CMC2: variants seen among roughly 807,000 people sequenced by gnomAD.
CMC2 encodes C-X9-C motif containing 2.
In CMC2, 5 loss-of-function variants were observed where a neutral mutation model predicts 7.5. That is an observed-to-expected ratio of 0.66 (90% CI 0.35 to 1.40). The LOEUF (loss-of-function observed/expected upper bound fraction) is 1.40. Among genes scored for constraint, CMC2 ranks in the 40% most tolerant of loss-of-function variants. The probability of loss-of-function intolerance (pLI) is 0.04; values close to 1 mark genes in which losing one functional copy is unlikely to be tolerated. For missense variants in CMC2, 115 were observed against 92.3 expected, an observed-to-expected ratio of 1.25 and a Z score of -1.01; for synonymous variants, 37 against 31.4, an observed-to-expected ratio of 1.18 and a Z score of -0.60.
intron 1 of CMC2, among the ~76,000 whole-genome samples, chr16:81,005,384 C>A (rs1969202019): frequency 6.6e-6 from 1 of 151,734 alleles, no homozygotes; most frequent in Non-Finnish European, 1.5e-5. Context: ...TGCACTCCAG[C>A]CTGGGCGACA....
chr16:80,981,852 T>G lies in CMC2; in HGVS notation c.107A>C (p.Tyr36Ser). The stretch of plus-strand genomic sequence containing the variant: ...CAACTCCCGATCAACATCATTACAA[T>G]AACCAAAAAATTTCAGAATGTTGTG... ...KNHNILKFFGYCNDVDRELRK... is the reference protein window; with the variant it reads ...KNHNILKFFGSCNDVDRELRK... The change falls in exon 3 of 4, where the codon TAT becomes TCT. Residue 36 changes from tyrosine (Y) to serine (S), a missense_variant. By Grantham distance (144) the Tyr-to-Ser change is moderately radical. Transcript: ENST00000219400. 6.2e-7 allele frequency: 1 copy of G among 1,610,092 alleles called. No homozygotes were observed. The highest frequency in any genetic ancestry group is 8.5e-7 in the Non-Finnish European group (1 of 1,177,558).
At chr16:80,983,198 T>G (rs1356041815) in intron 2 of CMC2, 2 of 151,900 alleles carry the variant, frequency 1.3e-5, no homozygotes, top group African/African-American at 4.8e-5. Flanking sequence ...ATGCTATCAG[T>G]AAGGCTTTCA....
intron 1 of CMC2, among the ~76,000 whole-genome samples, chr16:81,000,471 AG>A (rs1233964270): frequency 6.6e-6 from 1 of 152,148 alleles, no homozygotes; most frequent in African/African-American, 2.4e-5. Flanking sequence ...ACTCCAGCCT[AG>A]GTAACAGAGT....
At chr16:80,987,237 C>A (rs1238944730) in intron 2 of CMC2, among the ~76,000 whole-genome samples, 1 of 151,996 alleles carries the variant, frequency 6.6e-6, no homozygotes, top group East Asian at 1.9e-4. Context: ...GGGAAGGAAT[C>A]TTATGTATTT....
intron 3 of CMC2, among the ~76,000 whole-genome samples, chr16:80,979,659 C>T (rs1376673608): frequency 6.6e-6 from 1 of 151,878 alleles, no homozygotes; most frequent in African/African-American, 2.4e-5. Flanking sequence ...CTCACTCTGT[C>T]ACCCAGGCTA....
In CMC2 at chr16:80,966,812, C is replaced by T. The variant is rs1343722052; in HGVS notation, c.*9281G>A. On this transcript the variant is annotated 3_prime_UTR_variant, in exon 4 of 4. Coordinates refer to ENST00000219400, the MANE Select transcript of CMC2 (RefSeq NM_020188.5). ...TTTCTTCTTTTCTTTATATAATCACCATATAGTCATACATACAGACACACG... is the reference window on the plus strand; with the variant it reads ...TTTCTTCTTTTCTTTATATAATCACTATATAGTCATACATACAGACACACG... 3 of 151,998 alleles carry T rather than the reference C, an allele frequency of 2.0e-5. No individual in the cohort carries two copies. The highest frequency in any genetic ancestry group is 6.6e-5 in the Admixed American group (1 of 15,260). The allele number at this position is 151,998 out of a possible 1,614,324, so 9.4% of individuals were successfully genotyped here. A position where few individuals can be genotyped will look rare whatever the true frequency, so the allele number is the denominator to read the frequency against.
chr16:80,981,933 G>T, intron 2 of CMC2, 56 bp from the exon 3 acceptor site: 1 of 1,158,568 alleles, frequency 8.6e-7, no homozygotes, highest in Non-Finnish European at 1.3e-6. Context: ...AAGGTTTGGG[G>T]CACATAAAAT....
chr16:80,984,446 T>C (rs28635633), intron 2 of CMC2, among the ~76,000 whole-genome samples: 19,431 of 152,176 alleles, frequency 0.13, 1,903 homozygotes, highest in African/African-American at 0.27. Context: ...TAAACGTACG[T>C]TTCAATTCCA....
intron 3 of CMC2, chr16:80,978,403 G>A: frequency 1.6e-6 from 2 of 1,262,264 alleles, no homozygotes; most frequent in Non-Finnish European, 2.1e-6. Flanking sequence ...TCCAAAGGAA[G>A]TCCAGATGGT....
In CMC2 at chr16:80,967,987, A is replaced by C. The variant is rs1911671207; in HGVS notation, c.*8106T>G. On this transcript the variant is annotated 3_prime_UTR_variant, in exon 4 of 4. Coordinates refer to ENST00000219400, the MANE Select transcript of CMC2 (RefSeq NM_020188.5). ...ACTTTTCTCAAAAACTTAAATACAA[A>C]AGTTATTTGAGGAAACTGCTTAAAA... The C allele has an allele frequency of 6.6e-6, 1 of 152,212 alleles. No individual in the cohort carries two copies. The highest frequency in any genetic ancestry group is 1.5e-5 in the Non-Finnish European group (1 of 68,042). The allele number at this position is 152,212 out of a possible 1,614,324, so 9.4% of individuals were successfully genotyped here. A position where few individuals can be genotyped will look rare whatever the true frequency, so the allele number is the denominator to read the frequency against.
chr16:81,000,452 C>T (rs980810019), intron 1 of CMC2, among the ~76,000 whole-genome samples: 16 of 152,086 alleles, frequency 1.1e-4, no homozygotes, highest in African/African-American at 1.7e-4. Flanking sequence ...GCCAAGATGG[C>T]GCCACTGCAC....
At position 80,972,747 on chromosome 16, in the gene CMC2, G is replaced by T. The variant is rs1912016793; in HGVS notation, c.*3346C>A. The T allele has an allele frequency of 6.6e-6, 1 of 152,158 alleles. No individual in the cohort carries two copies. Among genetic ancestry groups the T allele is most frequent in the African/African-American group, 2.4e-5 (1 of 41,432 alleles). 9.4% of individuals were successfully genotyped at this position (152,158 alleles called of 1,614,324 possible). A position where few individuals can be genotyped will look rare whatever the true frequency, so the allele number is the denominator to read the frequency against. ...TTATCGTCTGCAAGTCCACAGTAAG[G>T]AAATCTCTTCCTTCACTTGGTATCC... is the stretch of plus-strand genomic sequence containing the variant. On this transcript the variant is annotated 3_prime_UTR_variant, in exon 4 of 4. Transcript: ENST00000219400.
chr16:80,996,709 C>T (rs1050954771), intron 2 of CMC2, among the ~76,000 whole-genome samples: 3 of 152,108 alleles, frequency 2.0e-5, no homozygotes, highest in East Asian at 3.8e-4. Flanking sequence ...CTTGTAACAA[C>T]GGTGTCATAT....
intron 1 of CMC2, among the ~76,000 whole-genome samples, chr16:81,001,903 TTAAG>T (rs1968895262): frequency 6.6e-6 from 1 of 151,990 alleles, no homozygotes; most frequent in African/African-American, 2.4e-5. Context: ...TTGCACCTAG[TTAAG>T]TATTCATTTG....
At position 81,006,717 on chromosome 16, in the gene CMC2, G is replaced by A; in HGVS notation, c.-36+17C>T. The A allele has an allele frequency of 2.0e-6, 2 of 985,518 alleles. No homozygotes were observed. The highest frequency in any genetic ancestry group is 1.2e-6 in the Non-Finnish European group (1 of 830,020). The allele number at this position is 985,518 out of a possible 1,614,324, so 61.0% of individuals were successfully genotyped here. A position where few individuals can be genotyped will look rare whatever the true frequency, so the allele number is the denominator to read the frequency against. ...CAACGGAACGCGTTCGGAACGGCCT[G>A]GACTCCCGAGACTCACCCGACTCGT... On this transcript the variant is annotated intron_variant, in intron 1 of 3. Coordinates refer to ENST00000219400, the MANE Select transcript of CMC2 (RefSeq NM_020188.5).
In CMC2 at chr16:80,972,811, G is replaced by A. The variant is rs943475307; in HGVS notation, c.*3282C>T. On this transcript the variant is annotated 3_prime_UTR_variant, in exon 4 of 4. Transcript: ENST00000219400. ...CAATGCCTTCCTGTTGCCCTTAGCA[G>A]GAAAGCCAGACTCCCTAAGAGGACA... The A allele has an allele frequency of 6.6e-6, 1 of 152,178 alleles. No individual in the cohort carries two copies. The highest frequency in any genetic ancestry group is 1.5e-5 in the Non-Finnish European group (1 of 68,052). 9.4% of individuals were successfully genotyped at this position (152,178 alleles called of 1,614,324 possible).
In CMC2 at chr16:80,969,436, T is replaced by A. The variant is rs145618180; in HGVS notation, c.*6657A>T. 6.6e-6 allele frequency: 1 copy of A among 152,358 alleles called. No homozygotes were observed. The highest frequency in any genetic ancestry group is 6.5e-5 in the Admixed American group (1 of 15,312). The allele number at this position is 152,358 out of a possible 1,614,324, so 9.4% of individuals were successfully genotyped here. A position where few individuals can be genotyped will look rare whatever the true frequency, so the allele number is the denominator to read the frequency against. On this transcript the variant is annotated 3_prime_UTR_variant, in exon 4 of 4. Transcript: ENST00000219400. ...CTGGGAAGGTTCTTGCCCACTTCAG[T>A]AAATGGGGCCCACAGGAAGGTCTGA... is the stretch of plus-strand genomic sequence containing the variant.
chr16:80,992,079 T>TTAATAATAAGGGACACTATTATATA (rs1252015805), intron 2 of CMC2: 3 of 366,520 alleles, frequency 8.2e-6, no homozygotes, highest in Non-Finnish European at 1.6e-5. Context: ...CTTATCAATG[T>TTAATAATAAGGGACACTATTATATA]AAGATGTTAA....
At chr16:80,988,015 G>GA (rs1479318550) in intron 2 of CMC2, among the ~76,000 whole-genome samples, 2,788 of 140,504 alleles carry the variant, frequency 0.02, 43 homozygotes, top group East Asian at 0.054. Context: ...TCTCTAGGAG[G>GA]AAAAAAAAAA....
Sources: gnomAD v4.1 joint callset for allele counts (sites outside exome capture counted in the v4.1 genomes callset) on GRCh38, gnomAD v4.1.1 for gene constraint, MANE v1.5 for transcripts, NCBI Gene and HGNC (gene_info 2026-07-23, HGNC 2026-07-21) for gene names.